Variants in KIF2C observed in about 807,000 individuals in gnomAD.
KIF2C encodes kinesin family member 2C, also known as kinesin-like protein KIF2C.
A neutral mutation model predicts 97.4 loss-of-function variants in KIF2C; 34 were observed. That is an observed-to-expected ratio of 0.35 (90% CI 0.27 to 0.46). The LOEUF (loss-of-function observed/expected upper bound fraction) is 0.46. KIF2C is among the 20% of genes least tolerant of loss of function. KIF2C has a pLI of 1.00. For synonymous variants in KIF2C, 313 were observed against 318.2 expected (o/e 0.98, Z 0.17); for missense variants, 750 against 907.6 (o/e 0.83, Z 2.23).
intron 19 of KIF2C, 126 bp downstream of exon 19, chr1:44,762,784 C>T (rs1650237812): frequency 4.8e-6 from 3 of 626,898 alleles, no homozygotes; most frequent in South Asian, 1.8e-5. Context: ...CAGCCCTCTA[C>T]ACCAGCACTC....
rs760888234 is a variant in KIF2C, at chr1:44,757,576, T to C, written c.998T>C (p.Val333Ala). The C allele has an allele frequency of 6.2e-7, 1 of 1,613,094 alleles. No homozygotes were observed. The highest frequency in any genetic ancestry group is 8.5e-7 in the Non-Finnish European group (1 of 1,179,156). Residue 333 changes from valine (V) to alanine (A), a missense_variant, in exon 11 of 21, where the codon GTA becomes GCA. Physicochemically the swap from Val to Ala is moderately conservative, Grantham distance 64 (BLOSUM62 0). Coordinates refer to ENST00000372224, the MANE Select transcript of KIF2C (RefSeq NM_006845.4). The part of the protein sequence containing the change: ...VVYRFTARPL[V>A]QTIFEGGKAT... The stretch of plus-strand genomic sequence containing the variant: ...TCTAGGTTCACAGCAAGGCCACTGG[T>C]ACAGACAATCTTTGAAGGTGGAAAA...
At chr1:44,763,902 G>A (rs1249308400) in intron 19 of KIF2C, among the ~76,000 whole-genome samples, 1 of 151,998 alleles carries the variant, frequency 6.6e-6, no homozygotes, top group Non-Finnish European at 1.5e-5. Flanking sequence ...GTATGGTGGC[G>A]GGCGCCTGTA....
chr1:44,741,153 C>G, intron 2 of KIF2C, 146 bp downstream of exon 2: 2 of 588,168 alleles, frequency 3.4e-6, no homozygotes, highest in Non-Finnish European at 6.0e-6. Context: ...GAGGCTGAGA[C>G]GGGCAGATCA....
Position 44,761,987 on chromosome 1 carries a change from C to T in KIF2C, c.1751+4C>T, listed in dbSNP as rs147926518. On this transcript the variant is annotated splice_donor_region_variant and intron_variant, in intron 17 of 20. Coordinates refer to ENST00000372224, the MANE Select transcript of KIF2C (RefSeq NM_006845.4). ...ACACCCTGAGATATGCAGACAGGTACTAGTACCTACAGCTAGGTGGGATGC... is the reference window on the plus strand; with the variant it reads ...ACACCCTGAGATATGCAGACAGGTATTAGTACCTACAGCTAGGTGGGATGC... 6.9e-5 allele frequency: 111 copies of T among 1,612,518 alleles called. No individual in the cohort carries two copies. In the African/African-American group the frequency reaches 1.4e-3, roughly 20 times the overall value.
At position 44,756,168 on chromosome 1, in the gene KIF2C, A is replaced by G. The variant is rs1573566818; in HGVS notation, c.908A>G (p.Tyr303Cys). The G allele has an allele frequency of 7.4e-6, 12 of 1,614,278 alleles. No homozygotes were observed. In the East Asian group the frequency reaches 2.7e-4, roughly 36 times the overall value. ...EPKLKVDLTK[Y>C]LENQAFCFDF... ...AAGTTGAAAGTGGACTTAACAAAGTATCTGGAGAACCAAGCATTCTGCTTT... is the reference window on the plus strand; with the variant it reads ...AAGTTGAAAGTGGACTTAACAAAGTGTCTGGAGAACCAAGCATTCTGCTTT... The change falls in exon 10 of 21, where the codon TAT becomes TGT. Residue 303 changes from tyrosine (Y) to cysteine (C), a missense_variant. Physicochemically the swap from Tyr to Cys is radical, Grantham distance 194. Coordinates refer to ENST00000372224, the MANE Select transcript of KIF2C (RefSeq NM_006845.4).
intron 2 of KIF2C, chr1:44,746,704 T>C (rs1250705016): frequency 1.9e-6 from 3 of 1,606,748 alleles, no homozygotes; most frequent in Non-Finnish European, 2.5e-6. Flanking sequence ...CACCTCATTC[T>C]CATCACTGAC....
chr1:44,747,498 C>A lies in KIF2C; in HGVS notation c.267+13C>A. On this transcript the variant is annotated intron_variant, in intron 3 of 20. Coordinates refer to ENST00000372224, the MANE Select transcript of KIF2C (RefSeq NM_006845.4). ...TGTAACAATCCAGGTAGGTGCCTGT[C>A]ATCTGGCTGCAGCCAGTGCGCCAGA... 1 of 1,595,874 alleles carries A rather than the reference C, an allele frequency of 6.3e-7. No individual in the cohort carries two copies. The highest frequency in any genetic ancestry group is 8.5e-7 in the Non-Finnish European group (1 of 1,170,770).
At position 44,767,325 on chromosome 1, in the gene KIF2C, G is replaced by C; in HGVS notation, c.*146G>C. 1.6e-6 allele frequency: 1 copy of C among 641,828 alleles called. No individual in the cohort carries two copies. Among genetic ancestry groups the C allele is most frequent in the Non-Finnish European group, 2.8e-6 (1 of 362,650 alleles). 39.8% of individuals were successfully genotyped at this position (641,828 alleles called of 1,614,324 possible). On this transcript the variant is annotated 3_prime_UTR_variant, in exon 21 of 21. Transcript: ENST00000372224. ...CCAAGTATGGGGGCATCTGGGCCCA[G>C]GGCAGCTGGGGAGGGGGTCAGAGTG...
At chr1:44,761,402 T>C (rs1650133704) in intron 16 of KIF2C, among the ~76,000 whole-genome samples, 1 of 151,870 alleles carries the variant, frequency 6.6e-6, no homozygotes, top group African/African-American at 2.4e-5. Context: ...GGTCAGGAGA[T>C]AGAGACCATC....
intron 2 of KIF2C, among the ~76,000 whole-genome samples, chr1:44,742,488 T>C (rs959201769): frequency 3.8e-4 from 58 of 150,686 alleles, no homozygotes; most frequent in Non-Finnish European, 7.7e-4. Context: ...GAGGCCGAGG[T>C]GGGCGGATCA....
At chr1:44,747,023 G>C (rs565732039) in intron 2 of KIF2C, among the ~76,000 whole-genome samples, 9 of 151,834 alleles carry the variant, frequency 5.9e-5, no homozygotes, top group African/African-American at 1.4e-4. Flanking sequence ...TCAGCCTCGG[G>C]GGGGCCAGGC....
In KIF2C at chr1:44,760,926, C is replaced by T. The variant is rs1650107708; in HGVS notation, c.1683+224C>T. ...CTATTCCCTTTAAGATGTGTAGGTG[C>T]AGCTCTTGGTTTGGGAGAGGTCATT... On this transcript the variant is annotated intron_variant, in intron 16 of 20. Coordinates refer to ENST00000372224, the MANE Select transcript of KIF2C (RefSeq NM_006845.4). This position sits in a 1 kb window ranked among gnomAD's most constrained non-coding sequence, Gnocchi z 4.2. 7.7e-6 allele frequency: 4 copies of T among 521,664 alleles called. No homozygotes were observed. The East Asian group carries it at 1.3e-4, about 18-fold the overall frequency. The allele number at this position is 521,664 out of a possible 1,614,324, so 32.3% of individuals were successfully genotyped here.
chr1:44,757,602 G>C lies in KIF2C; in HGVS notation c.1024G>C (p.Ala342Pro). 6.2e-7 allele frequency: 1 copy of C among 1,614,014 alleles called. No individual in the cohort carries two copies. Among genetic ancestry groups the C allele is most frequent in the Non-Finnish European group, 8.5e-7 (1 of 1,179,858 alleles). ...ACAGACAATCTTTGAAGGTGGAAAA[G>C]CAACTTGTTTTGCATATGGCCAGAC... ...LVQTIFEGGK[A>P]TCFAYGQTGS... Residue 342 changes from alanine to proline, a missense_variant, in exon 11 of 21, where the codon GCA (alanine) becomes CCA (proline). Transcript: ENST00000372224.
chr1:44,759,642 C>G (rs1418737729), intron 14 of KIF2C, among the ~76,000 whole-genome samples: 1 of 152,038 alleles, frequency 6.6e-6, no homozygotes, highest in Non-Finnish European at 1.5e-5. Context: ...GAGCTGTGAT[C>G]GCACCACTGC....
At chr1:44,745,169 C>T (rs140991061) in intron 2 of KIF2C, among the ~76,000 whole-genome samples, 139 of 150,770 alleles carry the variant, frequency 9.2e-4, no homozygotes, top group Admixed American at 4.4e-3. Context: ...AGCCTGGGCA[C>T]CAAGAGTGAA....
intron 4 of KIF2C, 86 bp downstream of exon 4, chr1:44,747,786 T>TTC: frequency 8.1e-7 from 1 of 1,227,326 alleles, no homozygotes. Flanking sequence ...AGCTCCTCTT[T>TTC]TGCAGGTGGT....
chr1:44,761,450 T>TA (rs531156279), intron 16 of KIF2C, among the ~76,000 whole-genome samples: 4 of 151,296 alleles, frequency 2.6e-5, no homozygotes, highest in South Asian at 2.1e-4. Flanking sequence ...TATTAAAAAA[T>TA]AAAAAAAATT....
At chr1:44,756,816 T>C (rs1649868306) in intron 10 of KIF2C, among the ~76,000 whole-genome samples, 1 of 151,804 alleles carries the variant, frequency 6.6e-6, no homozygotes, top group East Asian at 1.9e-4. Context: ...CCTCCCAAAG[T>C]GCTGGGATTA....
At position 44,760,606 on chromosome 1, in the gene KIF2C, C is replaced by T. The variant is rs749728548; in HGVS notation, c.1587C>T (p.Ala529=). 22 of 1,614,126 alleles carry T rather than the reference C, an allele frequency of 1.4e-5. No homozygotes were observed. In the Admixed American group the frequency reaches 2.2e-4, roughly 16 times the overall value. The part of the protein sequence containing the change: ...SLLALKECIR[A]LGQNKAHTPF... ...TGCCCCCACAGGAGTGCATCAGGGC[C>T]CTGGGACAGAACAAGGCTCACACCC... is the stretch of plus-strand genomic sequence containing the variant. Residue 529 remains alanine, a synonymous_variant, in exon 16 of 21, where the codon GCC becomes GCT. Coordinates refer to ENST00000372224, the MANE Select transcript of KIF2C (RefSeq NM_006845.4). The surrounding 1 kb of genome is among the most constrained non-coding windows in gnomAD (Gnocchi z 4.2).
Sources: gnomAD v4.1 joint callset for allele counts (sites outside exome capture counted in the v4.1 genomes callset) on GRCh38, gnomAD v4.1.1 for gene constraint, Gnocchi (gnomAD v3.1) non-coding constraint, MANE v1.5 for transcripts, NCBI Gene and HGNC (gene_info 2026-07-23, HGNC 2026-07-21) for gene names.